PGAP1: variants seen among roughly 807,000 people sequenced by gnomAD.
PGAP1 encodes the protein post-GPI attachment to proteins inositol deacylase 1.
A neutral mutation model predicts 127.0 loss-of-function variants in PGAP1; 76 were observed. The ratio of observed to expected loss-of-function variants is 0.60; its 90% CI spans 0.50 to 0.72. The LOEUF (loss-of-function observed/expected upper bound fraction) is 0.72. Among genes scored for constraint, PGAP1 ranks in the 30% least tolerant of loss-of-function variants. The probability of loss-of-function intolerance (pLI) is 0.00; values close to 1 mark genes in which losing one functional copy is unlikely to be tolerated. For synonymous variants in PGAP1, 362 were observed against 366.5 expected (o/e 0.99, Z 0.14); for missense variants, 982 against 1,071.3 (o/e 0.92, Z 1.16).
At chr2:196,851,266 G>A (rs1352074059) in intron 20 of PGAP1, among the ~76,000 whole-genome samples, 2 of 151,998 alleles carry the variant, frequency 1.3e-5, no homozygotes, top group African/African-American at 4.8e-5. Flanking sequence ...TGTCACAGAA[G>A]ACTCTGCAAA....
At chr2:196,854,039 T>C (rs1012274200) in intron 20 of PGAP1, among the ~76,000 whole-genome samples, 8 of 151,448 alleles carry the variant, frequency 5.3e-5, no homozygotes, top group Non-Finnish European at 1.0e-4. Context: ...TACAGGTGTA[T>C]GTACGCCACC....
intron 5 of PGAP1, 54 bp downstream of exon 5, chr2:196,902,531 G>A (rs1702531421): frequency 1.4e-6 from 2 of 1,442,274 alleles, no homozygotes; most frequent in Non-Finnish European, 9.5e-7. Flanking sequence ...CTTCTTTCAT[G>A]CTCCACTGGG....
At chr2:196,861,514 T>C (rs1701063725) in intron 20 of PGAP1, among the ~76,000 whole-genome samples, 1 of 152,130 alleles carries the variant, frequency 6.6e-6, no homozygotes, top group African/African-American at 2.4e-5. Flanking sequence ...GGCCAAAAGA[T>C]CTGAACAGAC....
At chr2:196,918,184 G>C (rs1035692824) in intron 2 of PGAP1, among the ~76,000 whole-genome samples, 1 of 152,078 alleles carries the variant, frequency 6.6e-6, no homozygotes, top group Non-Finnish European at 1.5e-5. Flanking sequence ...ACACCTACCA[G>C]GTTGCTTAAA....
At chr2:196,873,422 TA>T in intron 16 of PGAP1, 105 bp downstream of exon 16, 1 of 798,826 alleles carries the variant, frequency 1.3e-6, no homozygotes. Context: ...TTACTTCACA[TA>T]AAAATATATG....
At chr2:196,898,794 T>C (rs1391508570) in intron 5 of PGAP1, among the ~76,000 whole-genome samples, 1 of 152,184 alleles carries the variant, frequency 6.6e-6, no homozygotes, top group East Asian at 1.9e-4. Flanking sequence ...TCTAAGATGT[T>C]AACTTCTTCA....
At chr2:196,890,362 C>T (rs1012530239) in intron 10 of PGAP1, among the ~76,000 whole-genome samples, 1 of 152,148 alleles carries the variant, frequency 6.6e-6, no homozygotes, top group Non-Finnish European at 1.5e-5. Flanking sequence ...TATTCTGATA[C>T]AGTAAATCTA....
At chr2:196,871,006 A>G (rs1249323237) in intron 18 of PGAP1, 27 bp from the exon 19 acceptor site, 1 of 1,552,900 alleles carries the variant, frequency 6.4e-7, no homozygotes, top group Non-Finnish European at 8.9e-7. Flanking sequence ...ATTGAAAAAA[A>G]AGGTTATTTT....
Position 196,840,993 on chromosome 2 carries a change from CCA to C in PGAP1, c.*239_*240del. ...CAGGAGTCCTCAATGATAGTGATCACCATATATCCCTTCATGAATTTTTCAAA... is the reference window on the plus strand; with the variant it reads ...CAGGAGTCCTCAATGATAGTGATCACTATATCCCTTCATGAATTTTTCAAA... On this transcript the variant is annotated 3_prime_UTR_variant, in exon 27 of 27. Coordinates refer to ENST00000354764, the MANE Select transcript of PGAP1 (RefSeq NM_024989.4). The C allele has an allele frequency of 2.3e-6, 1 of 431,740 alleles. No homozygotes were observed. The highest frequency in any genetic ancestry group is 3.9e-5 in the Admixed American group (1 of 25,420). 26.7% of individuals were successfully genotyped at this position (431,740 alleles called of 1,614,324 possible).
intron 20 of PGAP1, among the ~76,000 whole-genome samples, chr2:196,856,269 A>C (rs1347409881): frequency 1.3e-5 from 2 of 152,032 alleles, no homozygotes; most frequent in Non-Finnish European, 1.5e-5. Flanking sequence ...AACCTGCCTC[A>C]GCCTCCCCAA....
In PGAP1 at chr2:196,896,828, T is replaced by TAAAAAAAAAAAA. The variant is rs566717804; in HGVS notation, c.927+291_927+302dup. Among the ~76,000 whole-genome samples the TAAAAAAAAAAAA allele has an allele frequency of 3.3e-5, 3 of 90,602 alleles. 1 individual carries two copies. Among genetic ancestry groups the TAAAAAAAAAAAA allele is most frequent in the African/African-American group, 1.4e-4 (3 of 21,808 alleles). 59.4% of individuals were successfully genotyped at this position (90,602 alleles called of 152,430 possible). On this transcript the variant is annotated intron_variant, in intron 7 of 26. Transcript: ENST00000354764. Reference sequence around the variant, plus strand: ...TGTGCAACAGAGTGAGACTCCATCTTAAAAAAAAAAAAAAAAAAAAAAAGG... The same window carrying TAAAAAAAAAAAA: ...TGTGCAACAGAGTGAGACTCCATCTTAAAAAAAAAAAAAAAAAAAAAAAAAAAAAAAAAAAGG...
Position 196,833,144 on chromosome 2 carries a change from A to G in PGAP1, c.*8090T>C, listed in dbSNP as rs1237163723. 1 of 152,576 alleles carries G rather than the reference A, an allele frequency of 6.6e-6. No individual in the cohort carries two copies. Among genetic ancestry groups the G allele is most frequent in the East Asian group, 1.9e-4 (1 of 5,198 alleles). 9.5% of individuals were successfully genotyped at this position (152,576 alleles called of 1,614,324 possible). A position where few individuals can be genotyped will look rare whatever the true frequency, so the allele number is the denominator to read the frequency against. ...ATTCATCTATTAAACCTACACCATAATGCTCAAACACAGGTAAAAACATTC... is the reference window on the plus strand; with the variant it reads ...ATTCATCTATTAAACCTACACCATAGTGCTCAAACACAGGTAAAAACATTC... On this transcript the variant is annotated 3_prime_UTR_variant, in exon 27 of 27. Coordinates refer to ENST00000354764, the MANE Select transcript of PGAP1 (RefSeq NM_024989.4).
rs771934605 is a variant in PGAP1, at chr2:196,885,490, T to C, written c.1221-15A>G. The C allele has an allele frequency of 4.5e-6, 7 of 1,561,876 alleles. No individual in the cohort carries two copies. The East Asian group carries it at 6.8e-5, about 15-fold the overall frequency. ...CCCCTTGCAGGCTTTGAAATAAATA[T>C]GAAAATATAATTAAAGGACAAATAT... On this transcript the variant is annotated splice_polypyrimidine_tract_variant and intron_variant, in intron 11 of 26. Coordinates refer to ENST00000354764, the MANE Select transcript of PGAP1 (RefSeq NM_024989.4).
intron 4 of PGAP1, among the ~76,000 whole-genome samples, chr2:196,911,637 TTAAGA>T (rs1386628640): frequency 1.1e-5 from 1 of 94,380 alleles, no homozygotes; most frequent in Non-Finnish European, 2.2e-5. Flanking sequence ...AAAAAAAAAA[TTAAGA>T]TAATGCAAAT....
chr2:196,905,648 G>T (rs531306532), intron 4 of PGAP1, among the ~76,000 whole-genome samples: 4 of 151,928 alleles, frequency 2.6e-5, no homozygotes, highest in Non-Finnish European at 5.9e-5. Flanking sequence ...CAGCGTGAGC[G>T]ACGCAGAAGA....
Position 196,872,425 on chromosome 2 carries a change from C to G in PGAP1, c.1728+16G>C. On this transcript the variant is annotated intron_variant, in intron 18 of 26. Transcript: ENST00000354764. ...CTACAACTAAATCTTAAAAATTAAT[C>G]AAACATACAACTTACCTCGTACCGA... The G allele has an allele frequency of 6.6e-7, 1 of 1,524,416 alleles. No homozygotes were observed. Among genetic ancestry groups the G allele is most frequent in the Non-Finnish European group, 9.1e-7 (1 of 1,103,048 alleles). The allele number at this position is 1,524,416 out of a possible 1,614,324, so 94.4% of individuals were successfully genotyped here.
Position 196,888,804 on chromosome 2 carries a change from TAATGG to T in PGAP1, c.1173+2019_1173+2023del, listed in dbSNP as rs745593485. Reference sequence around the variant, plus strand: ...TTAGTATTAATTTGGTTGGATGAAATAATGGTATTATGGTAATGTATAAAATCCTT... The same window carrying T: ...TTAGTATTAATTTGGTTGGATGAAATTATTATGGTAATGTATAAAATCCTT... On this transcript the variant is annotated intron_variant, in intron 10 of 26. Coordinates refer to ENST00000354764, the MANE Select transcript of PGAP1 (RefSeq NM_024989.4). 5.3e-3 allele frequency among the ~76,000 whole-genome samples: 804 copies of T among 152,240 alleles called. 4 individuals carry two copies. The highest frequency in any genetic ancestry group is 9.6e-3 in the Non-Finnish European group (650 of 67,992).
intron 6 of PGAP1, 81 bp downstream of exon 6, chr2:196,898,236 A>T: frequency 9.8e-7 from 1 of 1,023,798 alleles, no homozygotes; most frequent in Admixed American, 2.3e-5. Flanking sequence ...AAAAAAGTTA[A>T]CAAGCCAATT....
intron 9 of PGAP1, among the ~76,000 whole-genome samples, chr2:196,891,762 C>T (rs1702107368): frequency 6.6e-6 from 1 of 151,938 alleles, no homozygotes; most frequent in Admixed American, 6.6e-5. Flanking sequence ...TAAAATTAAA[C>T]ATCATAATTT....
Sources: gnomAD v4.1 joint callset for allele counts (sites outside exome capture counted in the v4.1 genomes callset) on GRCh38, gnomAD v4.1.1 for gene constraint, MANE v1.5 for transcripts, NCBI Gene and HGNC (gene_info 2026-07-23, HGNC 2026-07-21) for gene names.